Variants in UBE3C observed in about 807,000 individuals in gnomAD.
UBE3C encodes the protein ubiquitin-protein ligase E3C.
Under a neutral mutation model 129.4 loss-of-function variants are expected in UBE3C, and 42 were observed. That is an observed-to-expected ratio of 0.32 (90% confidence interval 0.25 to 0.42). The LOEUF (loss-of-function observed/expected upper bound fraction) is 0.42. UBE3C is among the 10% of genes least tolerant of loss of function. UBE3C has a pLI of 1.00. For synonymous variants in UBE3C, 510 were observed against 492.4 expected (o/e 1.04, Z -0.47); for missense variants, 1,049 against 1,319.1 (o/e 0.80, Z 3.17).
chr7:157,196,309 A>G (rs1809119864), intron 10 of UBE3C, among the ~76,000 whole-genome samples: 2 of 152,244 alleles, frequency 1.3e-5, no homozygotes, highest in African/African-American at 2.4e-5. Flanking sequence ...AATTTGTGCT[A>G]TTTTAAGCCA....
At chr7:157,176,540 G>T (rs909248866) in intron 5 of UBE3C, among the ~76,000 whole-genome samples, 1 of 152,214 alleles carries the variant, frequency 6.6e-6, no homozygotes, top group Admixed American at 6.5e-5. Context: ...CTCCCAAAGT[G>T]CTGGGATTAC....
chr7:157,204,495 A>C (rs1007045079), intron 11 of UBE3C, among the ~76,000 whole-genome samples: 2 of 152,052 alleles, frequency 1.3e-5, no homozygotes, highest in Non-Finnish European at 2.9e-5. Context: ...TTATCAGGTA[A>C]TCGAGGTACA....
At chr7:157,235,561 A>ATG (rs1403798684) in intron 18 of UBE3C, among the ~76,000 whole-genome samples, 8 of 152,214 alleles carry the variant, frequency 5.3e-5, no homozygotes, top group Admixed American at 3.9e-4. Flanking sequence ...AGATGATGTC[A>ATG]TTGTACAGTT....
intron 22 of UBE3C, among the ~76,000 whole-genome samples, chr7:157,261,986 AT>A (rs1431375340): frequency 7.2e-5 from 11 of 152,352 alleles, no homozygotes; most frequent in African/African-American, 2.6e-4. Flanking sequence ...AGGAAATTCA[AT>A]TAGCGTTATG....
chr7:157,263,434 C>G, intron 22 of UBE3C, among the ~76,000 whole-genome samples: 1 of 152,100 alleles, frequency 6.6e-6, no homozygotes, highest in East Asian at 1.9e-4. Context: ...GAGGCTGAGG[C>G]GGGCGGATCA....
At chr7:157,255,954 G>T (rs1796740356) in intron 21 of UBE3C, among the ~76,000 whole-genome samples, 1 of 152,152 alleles carries the variant, frequency 6.6e-6, no homozygotes. Flanking sequence ...ACCCAGCTGT[G>T]TTAGTACTAG....
chr7:157,208,479 T>C (rs1809502019), intron 13 of UBE3C, among the ~76,000 whole-genome samples: 1 of 152,254 alleles, frequency 6.6e-6, no homozygotes, highest in South Asian at 2.1e-4. Flanking sequence ...TTGCCTCACT[T>C]AAAACCATGT....
chr7:157,139,436 CGAGACTTGGGGCT>C, intron 1 of UBE3C, 98 bp downstream of exon 1: 1 of 303,724 alleles, frequency 3.3e-6, no homozygotes, highest in South Asian at 6.7e-5. Flanking sequence ...GACTCGGGGC[CGAGACTTGGGGCT>C]GGATTCGGGG....
At chr7:157,263,649 G>T (rs1796982424) in intron 22 of UBE3C, among the ~76,000 whole-genome samples, 1 of 145,088 alleles carries the variant, frequency 6.9e-6, no homozygotes, top group Non-Finnish European at 1.5e-5. Flanking sequence ...TGTTGAGAGA[G>T]CAAGACGCCA....
chr7:157,169,850 G>GT (rs1226977513), intron 3 of UBE3C, among the ~76,000 whole-genome samples: 1 of 151,894 alleles, frequency 6.6e-6, no homozygotes, highest in East Asian at 1.9e-4. Context: ...CTGGCTAAAT[G>GT]TTTTTGTATT....
chr7:157,198,292 A>T (rs764033213), intron 10 of UBE3C: 30 of 889,262 alleles, frequency 3.4e-5, no homozygotes, highest in Non-Finnish European at 5.4e-5. Flanking sequence ...TGAAGACTGC[A>T]GCTTTAGGTC....
intron 19 of UBE3C, among the ~76,000 whole-genome samples, chr7:157,252,147 A>G (rs1431734571): frequency 1.3e-5 from 2 of 152,142 alleles, no homozygotes; most frequent in Non-Finnish European, 2.9e-5. Context: ...AAAAAAAAAA[A>G]AGTTATAGAA....
Position 157,253,994 on chromosome 7 carries a change from C to G in UBE3C, c.2735C>G (p.Thr912Ser). Residue 912 changes from threonine to serine, a missense_variant, in exon 20 of 23, where the codon ACC becomes AGC. Physicochemically the swap from Thr to Ser is moderately conservative, Grantham distance 58. Transcript: ENST00000348165. ...LKFGGKDIPV[T>S]SANRIAYIHL... The stretch of plus-strand genomic sequence containing the variant: ...TTCGGTGGGAAAGACATCCCTGTCA[C>G]CAGCGCCAACCGGATTGCGTACATC... The G allele has an allele frequency of 6.2e-7, 1 of 1,605,934 alleles. No homozygotes were observed. The highest frequency in any genetic ancestry group is 8.5e-7 in the Non-Finnish European group (1 of 1,175,474).
intron 18 of UBE3C, among the ~76,000 whole-genome samples, chr7:157,235,437 A>G (rs1419907579): frequency 1.3e-5 from 2 of 152,238 alleles, no homozygotes; most frequent in Admixed American, 6.5e-5. Flanking sequence ...TCCTGAATGT[A>G]TAAATCATCC....
chr7:157,234,974 C>T (rs1182437), intron 18 of UBE3C, among the ~76,000 whole-genome samples: 78,500 of 152,014 alleles, frequency 0.52, 23,221 homozygotes, highest in Non-Finnish European at 0.66. Context: ...GGCGGATCAC[C>T]TGAGGTCGGG....
intron 13 of UBE3C, among the ~76,000 whole-genome samples, chr7:157,209,080 A>C (rs1359928829): frequency 1.3e-5 from 2 of 152,222 alleles, no homozygotes; most frequent in Non-Finnish European, 2.9e-5. Context: ...TTGTATTAAT[A>C]TTGCTAATGG....
chr7:157,139,556 C>T (rs937344951), intron 1 of UBE3C, among the ~76,000 whole-genome samples: 7 of 151,886 alleles, frequency 4.6e-5, no homozygotes, highest in Admixed American at 3.9e-4. Flanking sequence ...GGGGCCAGGA[C>T]TCTGGCTGGG....
At chr7:157,146,615 A>G (rs1807612936) in intron 1 of UBE3C, among the ~76,000 whole-genome samples, 1 of 152,010 alleles carries the variant, frequency 6.6e-6, no homozygotes, top group Non-Finnish European at 1.5e-5. Flanking sequence ...GATTACTGTA[A>G]CAGATCTGTA....
At chr7:157,201,252 A>T (rs748835588) in intron 10 of UBE3C, among the ~76,000 whole-genome samples, 11 of 152,120 alleles carry the variant, frequency 7.2e-5, no homozygotes, top group Non-Finnish European at 1.0e-4. Context: ...TGAACCCAGG[A>T]GGTGGAGGTT....
Sources: allele counts gnomAD v4.1 joint callset (sites outside exome capture counted in the v4.1 genomes callset), GRCh38; gene constraint gnomAD v4.1.1; transcripts MANE v1.5; gene names NCBI Gene and HGNC (gene_info 2026-07-23, HGNC 2026-07-21).